The following HYAL4 variants were observed in gnomAD, a reference collection of about 807,000 sequenced individuals.
HYAL4 encodes the protein hyaluronidase-4.
A neutral mutation model predicts 35.2 loss-of-function variants in HYAL4; 37 were observed. The observed-to-expected ratio is 1.05, with a 90% CI of 0.81 to 1.38. The LOEUF (loss-of-function observed/expected upper bound fraction) is 1.38, where lower values mean the gene tolerates loss of function less well. Among genes scored for constraint, HYAL4 ranks in the 40% most tolerant of loss-of-function variants. HYAL4 has a pLI of 0.00. For missense variants in HYAL4, 572 were observed against 572.4 expected, an observed-to-expected ratio of 1.00 and a Z score of 0.01; for synonymous variants, 198 against 203.2, an observed-to-expected ratio of 0.97 and a Z score of 0.22.
the HYAL4 span, among the ~76,000 whole-genome samples, chr7:123,816,847 C>T: frequency 3.3e-5 from 5 of 152,032 alleles, no homozygotes; most frequent in African/African-American, 9.7e-5. Context: ...AACTTTCCAA[C>T]GCATTTTTTT....
the HYAL4 span, among the ~76,000 whole-genome samples, chr7:123,773,538 T>G: frequency 6.6e-6 from 1 of 152,182 alleles, no homozygotes; most frequent in African/African-American, 2.4e-5. Flanking sequence ...CTTACATACT[T>G]TAGGGATAGA....
chr7:123,824,871 A>C (rs573919891), upstream of HYAL4, among the ~76,000 whole-genome samples: 1 of 152,260 alleles, frequency 6.6e-6, no homozygotes, highest in African/African-American at 2.4e-5. Context: ...CTTTGCACAT[A>C]ATAATGTGTG....
chr7:123,823,773 A>G, the HYAL4 span, among the ~76,000 whole-genome samples: 2 of 150,288 alleles, frequency 1.3e-5, no homozygotes, highest in African/African-American at 4.9e-5. Context: ...ATATTTATAT[A>G]TATATGAATT....
chr7:123,821,386 C>T, the HYAL4 span, among the ~76,000 whole-genome samples: 1 of 152,258 alleles, frequency 6.6e-6, no homozygotes, highest in East Asian at 1.9e-4. Context: ...TTTTGATTTA[C>T]ATTTCCCCAA....
At chr7:123,781,568 A>G in the HYAL4 span, among the ~76,000 whole-genome samples, 11 of 151,758 alleles carry the variant, frequency 7.2e-5, no homozygotes, top group East Asian at 1.6e-3. Flanking sequence ...CCTTACGAGA[A>G]ACACCCACAG....
chr7:123,809,752 A>C, the HYAL4 span, among the ~76,000 whole-genome samples: 1 of 151,924 alleles, frequency 6.6e-6, no homozygotes, highest in Non-Finnish European at 1.5e-5. Context: ...AGCCATCACC[A>C]CCATCCATCT....
intron 1 of HYAL4, among the ~76,000 whole-genome samples, chr7:123,847,096 C>T (rs947290992): frequency 2.0e-5 from 3 of 152,132 alleles, no homozygotes; most frequent in Non-Finnish European, 4.4e-5. Flanking sequence ...AAGTTCACAA[C>T]GTGAGTCTCC....
chr7:123,857,384 A>G (rs1806465376), intron 2 of HYAL4, among the ~76,000 whole-genome samples: 1 of 152,082 alleles, frequency 6.6e-6, no homozygotes, highest in Non-Finnish European at 1.5e-5. Context: ...TGGGCTGGAT[A>G]GCACTGTCTC....
At chr7:123,875,748 G>A (rs967354405) in intron 4 of HYAL4, among the ~76,000 whole-genome samples, 1 of 150,888 alleles carries the variant, frequency 6.6e-6, no homozygotes, top group East Asian at 1.9e-4. Context: ...AAGATTCCTA[G>A]TTTTCCCCAA....
chr7:123,775,143 C>A, the HYAL4 span, among the ~76,000 whole-genome samples: 1 of 152,098 alleles, frequency 6.6e-6, no homozygotes, highest in African/African-American at 2.4e-5. Flanking sequence ...TTTAAAAATG[C>A]CTTGAGAGGC....
At chr7:123,806,524 A>G in the HYAL4 span, among the ~76,000 whole-genome samples, 3 of 151,772 alleles carry the variant, frequency 2.0e-5, no homozygotes, top group South Asian at 6.3e-4. Context: ...GCTCACCGCA[A>G]CCTCTGCCTC....
At chr7:123,807,239 A>G in the HYAL4 span, among the ~76,000 whole-genome samples, 1 of 152,242 alleles carries the variant, frequency 6.6e-6, no homozygotes, top group South Asian at 2.1e-4. Context: ...GCTTTTTTGT[A>G]TCAAGTCTGC....
chr7:123,800,654 CTT>C, the HYAL4 span, among the ~76,000 whole-genome samples: 6 of 146,532 alleles, frequency 4.1e-5, no homozygotes, highest in African/African-American at 1.0e-4. Flanking sequence ...TTTTTTCTCT[CTT>C]TTTTTTTTGT....
At chr7:123,768,834 A>G in the HYAL4 span, among the ~76,000 whole-genome samples, 1 of 152,194 alleles carries the variant, frequency 6.6e-6, no homozygotes, top group Non-Finnish European at 1.5e-5. Context: ...GAGATTGTCC[A>G]TTGGTTACTT....
chr7:123,835,346 A>G (rs1805948224), intron 1 of HYAL4, among the ~76,000 whole-genome samples: 1 of 151,960 alleles, frequency 6.6e-6, no homozygotes, highest in Admixed American at 6.6e-5. Context: ...CATCTCCTTT[A>G]GGTTTTATAG....
the HYAL4 span, among the ~76,000 whole-genome samples, chr7:123,801,643 A>G: frequency 6.6e-6 from 1 of 152,196 alleles, no homozygotes; most frequent in Non-Finnish European, 1.5e-5. Flanking sequence ...GATTTCATCA[A>G]TTTTATTTCA....
intron 2 of HYAL4, among the ~76,000 whole-genome samples, chr7:123,852,524 G>A (rs984841573): frequency 6.6e-6 from 1 of 152,082 alleles, no homozygotes; most frequent in Non-Finnish European, 1.5e-5. Flanking sequence ...GTTTTTGTCA[G>A]GTTTGTCAAA....
intron 2 of HYAL4, among the ~76,000 whole-genome samples, chr7:123,852,713 T>A (rs1182801975): frequency 2.0e-5 from 3 of 152,148 alleles, no homozygotes; most frequent in Admixed American, 6.6e-5. Flanking sequence ...TTGTCTTGGC[T>A]ATACAGGCTC....
At chr7:123,829,770 G>A (rs1219772129) in intron 1 of HYAL4, among the ~76,000 whole-genome samples, 2 of 152,228 alleles carry the variant, frequency 1.3e-5, no homozygotes, top group Admixed American at 1.3e-4. Flanking sequence ...GTTCAAAGCT[G>A]TGGTAAGCTA....
Sources: allele counts gnomAD v4.1 joint callset (sites outside exome capture counted in the v4.1 genomes callset), GRCh38; gene constraint gnomAD v4.1.1; transcripts MANE v1.5; gene names NCBI Gene and HGNC (gene_info 2026-07-23, HGNC 2026-07-21).